SERPINB10: variants seen among roughly 807,000 people sequenced by gnomAD.
The protein encoded by SERPINB10 is serpin family B member 10, also known as serpin B10.
Under a neutral mutation model 39.1 loss-of-function variants are expected in SERPINB10, and 35 were observed. That is an observed-to-expected ratio of 0.90 (90% confidence interval 0.68 to 1.19). SERPINB10 has a LOEUF of 1.19. SERPINB10 is among the 50% of genes most tolerant of loss of function. SERPINB10 has a pLI of 0.00. For synonymous variants in SERPINB10, 190 were observed against 158.1 expected, an observed-to-expected ratio of 1.20 and a Z score of -1.52; for missense variants, 546 against 460.5, an observed-to-expected ratio of 1.19 and a Z score of -1.70.
intron 5 of SERPINB10, among the ~76,000 whole-genome samples, chr18:63,927,997 C>T (rs1289238452): frequency 1.3e-5 from 2 of 151,970 alleles, no homozygotes; most frequent in African/African-American, 2.4e-5. Context: ...ATTTACCTGT[C>T]TACATGTCTG....
intron 5 of SERPINB10, among the ~76,000 whole-genome samples, chr18:63,921,391 T>A (rs1262530697): frequency 6.6e-6 from 1 of 151,912 alleles, no homozygotes; most frequent in African/African-American, 2.4e-5. Context: ...TCCTCATGTA[T>A]TCTCCATCTT....
intron 3 of SERPINB10, 23 bp from the exon 4 acceptor site, chr18:63,917,942 G>C: frequency 6.2e-7 from 1 of 1,605,220 alleles, no homozygotes; most frequent in Non-Finnish European, 8.5e-7. Context: ...CATTTTATTT[G>C]ACTAGTTCCT....
intron 5 of SERPINB10, among the ~76,000 whole-genome samples, chr18:63,921,224 G>A (rs930865101): frequency 1.3e-5 from 2 of 151,824 alleles, no homozygotes; most frequent in African/African-American, 4.8e-5. Flanking sequence ...TGATGCCTTT[G>A]CTTTGTGTCT....
intron 1 of SERPINB10, among the ~76,000 whole-genome samples, chr18:63,910,884 T>A (rs2050059659): frequency 6.6e-6 from 1 of 152,002 alleles, no homozygotes; most frequent in African/African-American, 2.4e-5. Flanking sequence ...CCAATCTGCT[T>A]TCCATAGTAG....
At chr18:63,908,921 T>G (rs1387739136) in intron 1 of SERPINB10, among the ~76,000 whole-genome samples, 1 of 152,036 alleles carries the variant, frequency 6.6e-6, no homozygotes, top group Non-Finnish European at 1.5e-5. Flanking sequence ...CACAATGAGA[T>G]ACAATGGCAA....
intron 1 of SERPINB10, among the ~76,000 whole-genome samples, chr18:63,911,675 T>A (rs2050065530): frequency 6.6e-6 from 1 of 152,130 alleles, no homozygotes; most frequent in Admixed American, 6.6e-5. Flanking sequence ...TTTTGGTTAC[T>A]GCAGGCTTAT....
In SERPINB10 at chr18:63,917,485, C is replaced by A. The variant is rs1479461332; in HGVS notation, c.198C>A (p.Val66=). 1.9e-6 allele frequency: 3 copies of A among 1,578,720 alleles called. No homozygotes were observed. Among genetic ancestry groups the A allele is most frequent in the South Asian group, 2.3e-5 (2 of 86,208 alleles). ...TTCAATTTAACAGAGACCAGGGAGTCAAATGTGACCCTGAAAGTGAAAAAA... is the reference window on the plus strand; with the variant it reads ...TTCAATTTAACAGAGACCAGGGAGTAAAATGTGACCCTGAAAGTGAAAAAA... ...QVLQFNRDQG[V]KCDPESEKKR... Residue 66 remains valine, a synonymous_variant, in exon 3 of 8, where the codon GTC becomes GTA. Coordinates refer to ENST00000238508, the MANE Select transcript of SERPINB10 (RefSeq NM_005024.3).
intron 5 of SERPINB10, among the ~76,000 whole-genome samples, chr18:63,923,852 C>T (rs1295156233): frequency 6.6e-6 from 1 of 151,784 alleles, no homozygotes; most frequent in Non-Finnish European, 1.5e-5. Flanking sequence ...TATCCTTTTC[C>T]AGCTCATGAT....
At chr18:63,915,364 C>T in intron 1 of SERPINB10, 138 bp from the exon 2 acceptor site, 1 of 494,408 alleles carries the variant, frequency 2.0e-6, no homozygotes, top group Non-Finnish European at 3.5e-6. Context: ...TATTATTGGA[C>T]TAGAATTTTG....
chr18:63,917,937 T>C lies in SERPINB10; in HGVS notation c.235-28T>C, dbSNP rs759701378. On this transcript the variant is annotated intron_variant, in intron 3 of 7. Transcript: ENST00000238508. ...TGTACGTAACTCTTGTTCAACATTT[T>C]ATTTGACTAGTTCCTTCTCTTTTAA... The C allele has an allele frequency of 8.1e-6, 13 of 1,603,068 alleles. No individual in the cohort carries two copies. The South Asian group carries it at 1.1e-4, about 14-fold the overall frequency.
intron 1 of SERPINB10, among the ~76,000 whole-genome samples, chr18:63,912,735 G>A (rs1222140887): frequency 6.6e-6 from 1 of 151,748 alleles, no homozygotes; most frequent in Non-Finnish European, 1.5e-5. Context: ...TTGCCTATAG[G>A]TTTCTTCTTC....
chr18:63,917,207 A>T (rs186666289), intron 2 of SERPINB10, among the ~76,000 whole-genome samples: 152 of 152,176 alleles, frequency 1.0e-3, no homozygotes, highest in South Asian at 2.3e-3. Flanking sequence ...GGTTTTCCTA[A>T]CATCATTCTA....
At chr18:63,933,234 G>T in intron 7 of SERPINB10, 31 bp downstream of exon 7, 1 of 1,610,060 alleles carries the variant, frequency 6.2e-7, no homozygotes, top group Non-Finnish European at 8.5e-7. Flanking sequence ...TGATGTGAGG[G>T]TGTTTCCAGT....
chr18:63,934,165 G>A (rs943628148), intron 7 of SERPINB10, among the ~76,000 whole-genome samples: 13 of 151,986 alleles, frequency 8.6e-5, no homozygotes, highest in African/African-American at 2.9e-4. Context: ...AAACAAACAT[G>A]TCATTTAAAA....
chr18:63,917,480 G>T lies in SERPINB10; in HGVS notation c.193G>T (p.Gly65Ter). The T allele has an allele frequency of 1.9e-6, 3 of 1,582,918 alleles. No homozygotes were observed. In the South Asian group the frequency reaches 3.5e-5, roughly 18 times the overall value. ...AQVLQFNRDQ[G>*]VKCDPESEKK... ...GGTGCTTCAATTTAACAGAGACCAG[G>T]GAGTCAAATGTGACCCTGAAAGTGA... The change falls in exon 3 of 8, where the codon GGA becomes TGA. Residue 65 changes from glycine to a stop codon, truncating the protein, a stop_gained. Coordinates refer to ENST00000238508, the MANE Select transcript of SERPINB10 (RefSeq NM_005024.3). LOFTEE classifies it high-confidence loss of function.
intron 1 of SERPINB10, among the ~76,000 whole-genome samples, chr18:63,908,907 T>A (rs1377284317): frequency 6.6e-6 from 1 of 152,016 alleles, no homozygotes; most frequent in East Asian, 1.9e-4. Context: ...ACTAAAATCT[T>A]AAACACAATG....
At chr18:63,934,197 C>T (rs1218950487) in intron 7 of SERPINB10, among the ~76,000 whole-genome samples, 1 of 152,036 alleles carries the variant, frequency 6.6e-6, no homozygotes, top group Non-Finnish European at 1.5e-5. Flanking sequence ...CACATATATA[C>T]ATGTGTATTT....
chr18:63,924,030 T>G (rs956937101), intron 5 of SERPINB10, among the ~76,000 whole-genome samples: 1 of 152,006 alleles, frequency 6.6e-6, no homozygotes, highest in South Asian at 2.1e-4. Flanking sequence ...ATATGTAAAT[T>G]TTGCTTATTG....
At chr18:63,934,687 C>A in intron 7 of SERPINB10, 151 bp from the exon 8 acceptor site, 2 of 732,126 alleles carry the variant, frequency 2.7e-6, no homozygotes, top group Non-Finnish European at 2.1e-6. Flanking sequence ...ATTATACAAC[C>A]AAAGGATTTC....
Sources: allele counts gnomAD v4.1 joint callset (sites outside exome capture counted in the v4.1 genomes callset), GRCh38; gene constraint gnomAD v4.1.1; transcripts MANE v1.5; gene names NCBI Gene and HGNC (gene_info 2026-07-23, HGNC 2026-07-21).